The following SCCPDH variants were observed in gnomAD, a reference collection of about 807,000 sequenced individuals.
The protein encoded by SCCPDH is saccharopine dehydrogenase-like oxidoreductase.
SCCPDH carries 34 observed loss-of-function variants against 51.5 expected under a neutral mutation model. The observed-to-expected ratio is 0.66, with a 90% confidence interval of 0.50 to 0.88. SCCPDH has a LOEUF of 0.88. Among genes scored for constraint, SCCPDH ranks in the 40% least tolerant of loss-of-function variants. The pLI, the probability that SCCPDH is intolerant of heterozygous loss-of-function variation, is 0.00. For synonymous variants in SCCPDH, 187 were observed against 191.3 expected (o/e 0.98, Z 0.19); for missense variants, 464 against 527.1 (o/e 0.88, Z 1.17).
At chr1:246,761,725 G>A (rs1199673682) in intron 9 of SCCPDH, among the ~76,000 whole-genome samples, 3 of 152,166 alleles carry the variant, frequency 2.0e-5, no homozygotes, top group Non-Finnish European at 4.4e-5. Flanking sequence ...GCATGTGTTC[G>A]AATTTCTTTA....
At chr1:246,736,432 T>C (rs887289622) in intron 3 of SCCPDH, among the ~76,000 whole-genome samples, 1 of 152,232 alleles carries the variant, frequency 6.6e-6, no homozygotes, top group African/African-American at 2.4e-5. Flanking sequence ...CCGGGCACGG[T>C]GGCTCACACC....
rs187339114 is a variant in SCCPDH at position 246,729,645 on chromosome 1, C to T, written c.303+2641C>T. Reference sequence around the variant, plus strand: ...AAAGACACATGTTTTACAGTTTGTACGGATAACTCAATCATCACAGGGTCC... The same window carrying T: ...AAAGACACATGTTTTACAGTTTGTATGGATAACTCAATCATCACAGGGTCC... On this transcript the variant is annotated intron_variant, in intron 2 of 11. Transcript: ENST00000366510. Among the ~76,000 whole-genome samples the T allele has an allele frequency of 5.3e-3, 799 of 151,830 alleles. 7 individuals carry two copies. Among genetic ancestry groups the T allele is most frequent in the Admixed American group, 7.3e-3 (112 of 15,288 alleles).
intron 5 of SCCPDH, among the ~76,000 whole-genome samples, chr1:246,756,572 A>G (rs114022490): frequency 1.1e-3 from 162 of 152,328 alleles, no homozygotes; most frequent in African/African-American, 3.8e-3. Flanking sequence ...AGATTTTTAA[A>G]AAGCTGTTTT....
intron 2 of SCCPDH, among the ~76,000 whole-genome samples, chr1:246,728,559 G>A (rs1303969720): frequency 6.6e-6 from 1 of 152,198 alleles, no homozygotes; most frequent in African/African-American, 2.4e-5. Flanking sequence ...AGCACCTCCG[G>A]CAGCTCTGCT....
At position 246,760,238 on chromosome 1, in the gene SCCPDH, T is replaced by C; in HGVS notation, c.990+11T>C. The C allele has an allele frequency of 6.2e-7, 1 of 1,601,050 alleles. No homozygotes were observed. Among genetic ancestry groups the C allele is most frequent in the Non-Finnish European group, 8.5e-7 (1 of 1,171,968 alleles). On this transcript the variant is annotated intron_variant, in intron 9 of 11. Coordinates refer to ENST00000366510, the MANE Select transcript of SCCPDH (RefSeq NM_016002.3). ...CCAACACAAAAACAGGTAATTTCTT[T>C]TGTATTAAGACACTAAAATAATATT...
At chr1:246,754,132 T>C (rs1668895350) in intron 5 of SCCPDH, among the ~76,000 whole-genome samples, 1 of 151,950 alleles carries the variant, frequency 6.6e-6, no homozygotes, top group African/African-American at 2.4e-5. Flanking sequence ...TCACACACAC[T>C]TTCAACCCCC....
intron 5 of SCCPDH, among the ~76,000 whole-genome samples, chr1:246,746,702 A>G (rs948298282): frequency 1.2e-4 from 19 of 152,152 alleles, no homozygotes; most frequent in Non-Finnish European, 2.2e-4. Context: ...TTAGCCAGGC[A>G]TGGTGGCACA....
intron 7 of SCCPDH, 26 bp downstream of exon 7, chr1:246,759,177 A>G (rs1359245949): frequency 8.4e-7 from 1 of 1,197,424 alleles, no homozygotes; most frequent in Non-Finnish European, 1.2e-6. Context: ...TTATTTATCA[A>G]TAAAGTGTGT....
chr1:246,744,495 A>G (rs1284267742), intron 5 of SCCPDH, among the ~76,000 whole-genome samples: 1 of 150,628 alleles, frequency 6.6e-6, no homozygotes, highest in Admixed American at 6.6e-5. Context: ...TTTTTTTTGT[A>G]TTTTTAGTAG....
Position 246,767,323 on chromosome 1 carries a change from T to G in SCCPDH, c.*23T>G. ...TAAACACTGGAAGAATTAACTGAAG[T>G]CATAACGTGCGTGAATTAACAGCTT... On this transcript the variant is annotated 3_prime_UTR_variant, in exon 12 of 12. Coordinates refer to ENST00000366510, the MANE Select transcript of SCCPDH (RefSeq NM_016002.3). 7.1e-7 allele frequency: 1 copy of G among 1,417,698 alleles called. No homozygotes were observed. The allele number at this position is 1,417,698 out of a possible 1,614,324, so 87.8% of individuals were successfully genotyped here. A position where few individuals can be genotyped will look rare whatever the true frequency, so the allele number is the denominator to read the frequency against.
chr1:246,761,961 C>A (rs1157820371), intron 9 of SCCPDH, among the ~76,000 whole-genome samples: 2 of 152,178 alleles, frequency 1.3e-5, no homozygotes, highest in African/African-American at 2.4e-5. Flanking sequence ...TCTTGAGGAA[C>A]CACTAAACTG....
chr1:246,740,841 G>A (rs1002858461), intron 4 of SCCPDH, among the ~76,000 whole-genome samples: 1 of 152,102 alleles, frequency 6.6e-6, no homozygotes, highest in Non-Finnish European at 1.5e-5. Flanking sequence ...AGCTACTTGG[G>A]AGGTTGAGGC....
chr1:246,732,935 A>G (rs145735124), intron 2 of SCCPDH, among the ~76,000 whole-genome samples: 38 of 152,278 alleles, frequency 2.5e-4, no homozygotes, highest in Non-Finnish European at 4.7e-4. Flanking sequence ...GCCTGGATGT[A>G]AGTGTGGCCT....
chr1:246,729,545 T>C (rs925117700), intron 2 of SCCPDH, among the ~76,000 whole-genome samples: 2 of 152,210 alleles, frequency 1.3e-5, no homozygotes, highest in African/African-American at 4.8e-5. Flanking sequence ...TCAGACATTA[T>C]GGTTATCTCC....
At chr1:246,740,879 AG>A (rs1330915152) in intron 4 of SCCPDH, among the ~76,000 whole-genome samples, 1 of 152,096 alleles carries the variant, frequency 6.6e-6, no homozygotes, top group African/African-American at 2.4e-5. Context: ...CCAAGAGTTC[AG>A]GACCAGCCTG....
intron 10 of SCCPDH, 116 bp downstream of exon 10, chr1:246,764,473 C>A: frequency 1.9e-6 from 1 of 519,216 alleles, no homozygotes; most frequent in Non-Finnish European, 3.3e-6. Flanking sequence ...TACATTTGTA[C>A]AAATTAAGTA....
chr1:246,743,984 C>A, intron 4 of SCCPDH, 92 bp from the exon 5 acceptor site: 1 of 722,444 alleles, frequency 1.4e-6, no homozygotes, highest in South Asian at 1.8e-5. Context: ...AAAAGCTAGT[C>A]CCTAAGTGAA....
chr1:246,752,117 T>C (rs1221291835), intron 5 of SCCPDH, among the ~76,000 whole-genome samples: 1 of 152,082 alleles, frequency 6.6e-6, no homozygotes, highest in Non-Finnish European at 1.5e-5. Flanking sequence ...ATGATAACCA[T>C]TCTTTTCCAA....
intron 6 of SCCPDH, among the ~76,000 whole-genome samples, chr1:246,758,590 T>G (rs565223005): frequency 3.3e-5 from 5 of 152,190 alleles, no homozygotes; most frequent in African/African-American, 1.2e-4. Context: ...AATTAATCCA[T>G]TACCATAAGC....
Sources: gnomAD v4.1 joint callset for allele counts (sites outside exome capture counted in the v4.1 genomes callset) on GRCh38, gnomAD v4.1.1 for gene constraint, MANE v1.5 for transcripts, NCBI Gene and HGNC (gene_info 2026-07-23, HGNC 2026-07-21) for gene names.